Variants in PLAC8L1 observed in about 807,000 individuals in gnomAD.
PLAC8L1 encodes the protein PLAC8-like protein 1.
Under a neutral mutation model 16.3 loss-of-function variants are expected in PLAC8L1, and 13 were observed. The observed-to-expected ratio is 0.80, with a 90% CI of 0.52 to 1.27. The LOEUF (loss-of-function observed/expected upper bound fraction) is 1.27, where lower values mean the gene tolerates loss of function less well. PLAC8L1 is among the 50% of genes most tolerant of loss of function. The probability of loss-of-function intolerance (pLI) is 0.00; values close to 1 mark genes in which losing one functional copy is unlikely to be tolerated. For synonymous variants in PLAC8L1, 78 were observed against 79.3 expected (o/e 0.98, Z 0.09); for missense variants, 184 against 220.2 (o/e 0.84, Z 1.04).
At chr5:146,103,353 T>C (rs1763853567) in intron 1 of PLAC8L1, among the ~76,000 whole-genome samples, 1 of 152,102 alleles carries the variant, frequency 6.6e-6, no homozygotes, top group Non-Finnish European at 1.5e-5. Flanking sequence ...AAGACAGGGT[T>C]TCACCATGTT....
chr5:146,092,685 G>C (rs1360375260), intron 2 of PLAC8L1, among the ~76,000 whole-genome samples: 2 of 151,974 alleles, frequency 1.3e-5, no homozygotes. Flanking sequence ...GGGATTGCAG[G>C]AGCCCGCCAC....
chr5:146,085,415 G>A (rs1763492195), intron 3 of PLAC8L1, 46 bp downstream of exon 3: 1 of 1,567,496 alleles, frequency 6.4e-7, no homozygotes, highest in African/African-American at 1.3e-5. Context: ...AGGCATCTAG[G>A]TTTTCATACA....
intron 1 of PLAC8L1, among the ~76,000 whole-genome samples, chr5:146,100,005 G>C (rs1763787844): frequency 6.6e-6 from 1 of 152,084 alleles, no homozygotes; most frequent in Non-Finnish European, 1.5e-5. Context: ...CAACTGCACA[G>C]GTTTCCAAGA....
chr5:146,085,660 A>C, intron 2 of PLAC8L1, 63 bp from the exon 3 acceptor site: 227 of 1,531,476 alleles, frequency 1.5e-4, no homozygotes, highest in Non-Finnish European at 1.8e-4. Context: ...TTCACATCTC[A>C]AAGAATATTT....
At chr5:146,090,344 G>T (rs1000352464) in intron 2 of PLAC8L1, among the ~76,000 whole-genome samples, 3 of 151,652 alleles carry the variant, frequency 2.0e-5, no homozygotes, top group Non-Finnish European at 4.4e-5. Context: ...GACCAGCCTG[G>T]CCAACATGAT....
chr5:146,099,596 T>C (rs1763775501), intron 1 of PLAC8L1, among the ~76,000 whole-genome samples: 2 of 147,892 alleles, frequency 1.4e-5, no homozygotes, highest in South Asian at 4.2e-4. Flanking sequence ...GAGGCAGAGG[T>C]TGCAGCGAGC....
intron 2 of PLAC8L1, among the ~76,000 whole-genome samples, chr5:146,088,103 G>A (rs530352437): frequency 2.8e-4 from 42 of 152,200 alleles, no homozygotes; most frequent in Non-Finnish European, 5.6e-4. Flanking sequence ...GAGATTTGTG[G>A]GGACACAGAT....
At position 146,100,120 on chromosome 5, in the gene PLAC8L1, A is replaced by G. The variant is rs538942690; in HGVS notation, c.120-1828T>C. 4.1e-4 allele frequency among the ~76,000 whole-genome samples: 63 copies of G among 152,344 alleles called. 1 individual carries two copies. The Middle Eastern group carries it at 0.017, about 41-fold the overall frequency. ...GTAGATTTGGACACTAATGATGGTG[A>G]CTGCAGTAGTCTCCCACTAGCTAGG... is the stretch of plus-strand genomic sequence containing the variant. On this transcript the variant is annotated intron_variant, in intron 1 of 3. Transcript: ENST00000311450.
chr5:146,103,547 G>T, intron 1 of PLAC8L1: 1 of 617,586 alleles, frequency 1.6e-6, no homozygotes. Context: ...CCAGGATAGG[G>T]AAGTTTTAGT....
intron 2 of PLAC8L1, among the ~76,000 whole-genome samples, chr5:146,090,360 C>A (rs1394114900): frequency 6.6e-6 from 1 of 151,672 alleles, no homozygotes; most frequent in Non-Finnish European, 1.5e-5. Flanking sequence ...ATGATGAAAC[C>A]CCATCTCCAC....
chr5:146,102,295 G>T (rs570552081), intron 1 of PLAC8L1, among the ~76,000 whole-genome samples: 1 of 152,068 alleles, frequency 6.6e-6, no homozygotes, highest in South Asian at 2.1e-4. Context: ...TTGAACTCAA[G>T]GATAGATTTG....
intron 2 of PLAC8L1, among the ~76,000 whole-genome samples, chr5:146,094,929 A>G (rs1041461806): frequency 6.6e-6 from 1 of 152,220 alleles, no homozygotes; most frequent in African/African-American, 2.4e-5. Flanking sequence ...CATGAGAAGA[A>G]GCTCTCCCTT....
intron 2 of PLAC8L1, among the ~76,000 whole-genome samples, chr5:146,086,160 G>A (rs1407953097): frequency 2.0e-5 from 3 of 147,548 alleles, no homozygotes; most frequent in Non-Finnish European, 4.5e-5. Context: ...CTCCCAAGTA[G>A]CTGGGACTAC....
intron 2 of PLAC8L1, among the ~76,000 whole-genome samples, chr5:146,092,921 C>T (rs533985601): frequency 8.6e-5 from 13 of 151,778 alleles, no homozygotes; most frequent in African/African-American, 2.4e-4. Context: ...TTTTATACTT[C>T]TTTCAGAAGA....
At chr5:146,089,080 G>A (rs1489316769) in intron 2 of PLAC8L1, among the ~76,000 whole-genome samples, 1 of 152,098 alleles carries the variant, frequency 6.6e-6, no homozygotes, top group Non-Finnish European at 1.5e-5. Flanking sequence ...AAAGAGAAAT[G>A]CCCACCATTC....
At chr5:146,095,911 T>C (rs146478818) in intron 2 of PLAC8L1, among the ~76,000 whole-genome samples, 126 of 152,362 alleles carry the variant, frequency 8.3e-4, no homozygotes, top group African/African-American at 2.5e-3. Flanking sequence ...GGCTTTTACC[T>C]GGCTCATTGA....
chr5:146,093,604 TTA>T (rs1404281933), intron 2 of PLAC8L1, among the ~76,000 whole-genome samples: 1 of 152,198 alleles, frequency 6.6e-6, no homozygotes, highest in Non-Finnish European at 1.5e-5. Flanking sequence ...TAAAATTCAT[TTA>T]TGTGTTATCC....
At chr5:146,099,860 A>G (rs377216694) in intron 1 of PLAC8L1, among the ~76,000 whole-genome samples, 5 of 152,068 alleles carry the variant, frequency 3.3e-5, no homozygotes, top group East Asian at 1.9e-4. Context: ...GTATTATAGT[A>G]TAAGTTGCAT....
rs755762388 is a variant in PLAC8L1 at position 146,084,587 on chromosome 5, G to C, written c.394-15C>G. 6.2e-7 allele frequency: 1 copy of C among 1,612,984 alleles called. No individual in the cohort carries two copies. Among genetic ancestry groups the C allele is most frequent in the Non-Finnish European group, 8.5e-7 (1 of 1,179,914 alleles). On this transcript the variant is annotated splice_polypyrimidine_tract_variant and intron_variant, in intron 3 of 3. Coordinates refer to ENST00000311450, the MANE Select transcript of PLAC8L1 (RefSeq NM_001029869.3). Reference sequence around the variant, plus strand: ...CACAGTGTGCCCTAGGGCAAGACCAGAATCTGTTCTGTTGTAGTCACACAG... The same window carrying C: ...CACAGTGTGCCCTAGGGCAAGACCACAATCTGTTCTGTTGTAGTCACACAG...
Sources: gnomAD v4.1 joint callset for allele counts (sites outside exome capture counted in the v4.1 genomes callset) on GRCh38, gnomAD v4.1.1 for gene constraint, MANE v1.5 for transcripts, NCBI Gene and HGNC (gene_info 2026-07-23, HGNC 2026-07-21) for gene names.